Variants in INPP4B observed in about 807,000 individuals in gnomAD.
INPP4B encodes inositol polyphosphate-4-phosphatase type II B, also known as inositol polyphosphate 4-phosphatase type II.
In INPP4B, 55 loss-of-function variants were observed where a neutral mutation model predicts 122.5. That is an observed-to-expected ratio of 0.45 (90% CI 0.36 to 0.56). INPP4B has a LOEUF of 0.56. Among genes scored for constraint, INPP4B ranks in the 20% least tolerant of loss-of-function variants. The pLI, the probability that INPP4B is intolerant of heterozygous loss-of-function variation, is 0.00. For missense variants in INPP4B, 1,000 were observed against 1,097.7 expected (o/e 0.91, Z 1.26); for synonymous variants, 403 against 388.7 (o/e 1.04, Z -0.43).
chr4:142,100,344 T>C (rs2152636564), intron 23 of INPP4B, among the ~76,000 whole-genome samples: 2 of 152,200 alleles, frequency 1.3e-5, no homozygotes, highest in Middle Eastern at 6.8e-3. Flanking sequence ...ACTGGGAAAC[T>C]TTTCCATTCA....
intron 2 of INPP4B, among the ~76,000 whole-genome samples, chr4:142,564,536 A>G (rs905765368): frequency 6.6e-6 from 1 of 151,592 alleles, no homozygotes; most frequent in South Asian, 2.1e-4. Context: ...GGCTCCCATA[A>G]ATATCTTGGA....
intron 24 of INPP4B, among the ~76,000 whole-genome samples, chr4:142,082,569 C>T (rs564053722): frequency 6.6e-6 from 1 of 152,174 alleles, no homozygotes; most frequent in East Asian, 1.9e-4. Context: ...AAACAACCAA[C>T]CAAAAAACTA....
Position 142,025,399 on chromosome 4 carries a change from T to C in INPP4B, c.*3383A>G, listed in dbSNP as rs1041501319. 1.3e-5 allele frequency: 2 copies of C among 152,218 alleles called. No individual in the cohort carries two copies. The highest frequency in any genetic ancestry group is 1.3e-4 in the Admixed American group (2 of 15,276). The allele number at this position is 152,218 out of a possible 1,614,324, so 9.4% of individuals were successfully genotyped here. A position where few individuals can be genotyped will look rare whatever the true frequency, so the allele number is the denominator to read the frequency against. ...ATGTTTTGATTATTACATTGGTTTT[T>C]AATGTATTCCACTGTGTTTTATAAT... On this transcript the variant is annotated 3_prime_UTR_variant, in exon 26 of 26. Coordinates refer to ENST00000262992, the MANE Select transcript of INPP4B (RefSeq NM_001101669.3).
chr4:142,451,572 G>A (rs1814230317), intron 3 of INPP4B, among the ~76,000 whole-genome samples: 1 of 151,966 alleles, frequency 6.6e-6, no homozygotes. Flanking sequence ...TCTAATGATT[G>A]GATACATCCA....
chr4:142,131,286 C>T (rs1454727926), intron 18 of INPP4B, among the ~76,000 whole-genome samples: 1 of 152,090 alleles, frequency 6.6e-6, no homozygotes, highest in Non-Finnish European at 1.5e-5. Context: ...AAATATTGGC[C>T]AGCATCTAAG....
At chr4:142,522,709 T>C (rs1826260255) in intron 2 of INPP4B, among the ~76,000 whole-genome samples, 1 of 151,970 alleles carries the variant, frequency 6.6e-6, no homozygotes, top group African/African-American at 2.4e-5. Context: ...TGAATATAGG[T>C]TGGACACAAT....
chr4:142,761,938 G>T (rs557154431), intron 1 of INPP4B, among the ~76,000 whole-genome samples: 5 of 152,132 alleles, frequency 3.3e-5, no homozygotes, highest in South Asian at 2.1e-4. Context: ...CCAGATTATG[G>T]TTCCTAGCCA....
chr4:142,231,084 A>C, intron 12 of INPP4B, among the ~76,000 whole-genome samples: 1 of 152,246 alleles, frequency 6.6e-6, no homozygotes. Context: ...CACAACCCTG[A>C]GACTTTGTGT....
intron 8 of INPP4B, chr4:142,305,773 A>G: frequency 7.5e-7 from 1 of 1,327,122 alleles, no homozygotes; most frequent in Non-Finnish European, 9.7e-7. Context: ...GCTAGAAAAT[A>G]ACAAGAGGTA....
intron 4 of INPP4B, 132 bp downstream of exon 4, chr4:142,431,037 T>C: frequency 1.6e-6 from 1 of 643,186 alleles, no homozygotes; most frequent in Non-Finnish European, 2.7e-6. Flanking sequence ...GAAAAATACT[T>C]TGGTAATTTC....
chr4:142,667,357 T>C (rs1756266776), intron 2 of INPP4B, among the ~76,000 whole-genome samples: 2 of 152,192 alleles, frequency 1.3e-5, no homozygotes, highest in African/African-American at 4.8e-5. Context: ...TCCACCATCA[T>C]GTACCTCTTG....
chr4:142,122,635 A>G (rs1352538333), intron 20 of INPP4B, among the ~76,000 whole-genome samples: 1 of 152,100 alleles, frequency 6.6e-6, no homozygotes, highest in Non-Finnish European at 1.5e-5. Flanking sequence ...ATCTCCATAC[A>G]TTAACAAATG....
intron 2 of INPP4B, among the ~76,000 whole-genome samples, chr4:142,641,633 T>A (rs1314993879): frequency 6.6e-6 from 1 of 152,180 alleles, no homozygotes; most frequent in East Asian, 1.9e-4. Context: ...TATACCATGG[T>A]GTGTATGTGC....
intron 15 of INPP4B, among the ~76,000 whole-genome samples, chr4:142,185,056 G>T (rs374391179): frequency 2.4e-4 from 36 of 152,250 alleles, no homozygotes; most frequent in Non-Finnish European, 4.0e-4. Flanking sequence ...AAGAGGTTTG[G>T]TAGTAGAATA....
intron 7 of INPP4B, among the ~76,000 whole-genome samples, chr4:142,388,546 C>T (rs1391742266): frequency 1.3e-5 from 2 of 152,042 alleles, no homozygotes; most frequent in Non-Finnish European, 2.9e-5. Context: ...AACCTGTTTT[C>T]CTCATGGAAC....
At chr4:142,648,039 C>A (rs144519069) in intron 2 of INPP4B, among the ~76,000 whole-genome samples, 1 of 152,182 alleles carries the variant, frequency 6.6e-6, no homozygotes, top group Admixed American at 6.5e-5. Context: ...AAATCTGAAA[C>A]GAGTTAAAAT....
chr4:142,656,669 C>T (rs982690994), intron 2 of INPP4B, among the ~76,000 whole-genome samples: 5 of 152,160 alleles, frequency 3.3e-5, no homozygotes, highest in Admixed American at 2.0e-4. Flanking sequence ...AGCAATTAAG[C>T]TTAAACTTGT....
At chr4:142,652,803 A>T (rs1248501306) in intron 2 of INPP4B, among the ~76,000 whole-genome samples, 4 of 152,206 alleles carry the variant, frequency 2.6e-5, no homozygotes, top group Non-Finnish European at 4.4e-5. Context: ...TAATTTATAG[A>T]TTCAGTGCCA....
chr4:142,335,220 T>G (rs1776191862), intron 7 of INPP4B, among the ~76,000 whole-genome samples: 1 of 151,514 alleles, frequency 6.6e-6, no homozygotes, highest in African/African-American at 2.4e-5. Context: ...TCTTCACTTC[T>G]CCCATTTTCT....
Sources: gnomAD v4.1 joint callset for allele counts (sites outside exome capture counted in the v4.1 genomes callset) on GRCh38, gnomAD v4.1.1 for gene constraint, MANE v1.5 for transcripts, NCBI Gene and HGNC (gene_info 2026-07-23, HGNC 2026-07-21) for gene names.